Variants in ASAP2 observed in about 807,000 individuals in gnomAD.
The protein encoded by ASAP2 is arf-GAP with SH3 domain, ANK repeat and PH domain-containing protein 2.
A neutral mutation model predicts 131.4 loss-of-function variants in ASAP2; 45 were observed. That is an observed-to-expected ratio of 0.34 (90% CI 0.27 to 0.44). The LOEUF is 0.44. Among genes scored for constraint, ASAP2 ranks in the 20% least tolerant of loss-of-function variants. The pLI is 1.00. For synonymous variants in ASAP2, 510 were observed against 503.0 expected (o/e 1.01, Z -0.19); for missense variants, 1,011 against 1,297.0 (o/e 0.78, Z 3.39).
At chr2:9,332,014 C>T (rs989183420) in intron 7 of ASAP2, among the ~76,000 whole-genome samples, 2 of 152,006 alleles carry the variant, frequency 1.3e-5, no homozygotes, top group Admixed American at 1.3e-4. Flanking sequence ...GCAGGAGGGG[C>T]CCTGGCACGG....
At chr2:9,343,388 T>C (rs747377048) in intron 9 of ASAP2, among the ~76,000 whole-genome samples, 42 of 114,492 alleles carry the variant, frequency 3.7e-4, no homozygotes, top group Admixed American at 1.9e-4. Context: ...TAGAATTTCC[T>C]GCACTGGCAC....
intron 1 of ASAP2, among the ~76,000 whole-genome samples, chr2:9,241,651 C>CA (rs1035625199): frequency 6.6e-6 from 1 of 152,158 alleles, no homozygotes; most frequent in Non-Finnish European, 1.5e-5. Flanking sequence ...CAAACAACAA[C>CA]AAAAAACTAA....
intron 1 of ASAP2, among the ~76,000 whole-genome samples, chr2:9,212,543 C>T (rs1390625259): frequency 6.6e-6 from 1 of 152,176 alleles, no homozygotes. Flanking sequence ...GTAGGATTTT[C>T]ACAGTCACCT....
chr2:9,306,395 CAG>C (rs1256402908), intron 3 of ASAP2, among the ~76,000 whole-genome samples: 1 of 151,714 alleles, frequency 6.6e-6, no homozygotes, highest in African/African-American at 2.4e-5. Flanking sequence ...CGAGGGGCCT[CAG>C]GGACGTTTCC....
rs374888567 is a variant in ASAP2 at position 9,268,788 on chromosome 2, T to C, written c.127-10529T>C. On this transcript the variant is annotated intron_variant, in intron 1 of 27. Transcript: ENST00000281419. The surrounding 1 kb of genome is among the most constrained non-coding windows in gnomAD (Gnocchi z 4.1). Reference sequence around the variant, plus strand: ...GTCCGTGGAACGAGGGGAGAGGAGATAGGACGGGAGAGCGGAGCATGCTAG... The same window carrying C: ...GTCCGTGGAACGAGGGGAGAGGAGACAGGACGGGAGAGCGGAGCATGCTAG... 3.9e-5 allele frequency among the ~76,000 whole-genome samples: 6 copies of C among 152,280 alleles called. No individual in the cohort carries two copies. The highest frequency in any genetic ancestry group is 1.4e-4 in the African/African-American group (6 of 41,558).
At chr2:9,368,364 A>G (rs578205113) in intron 15 of ASAP2, 61 bp from the exon 16 acceptor site, 7 of 1,405,828 alleles carry the variant, frequency 5.0e-6, no homozygotes, top group Non-Finnish European at 7.1e-6. Context: ...GGGATGGGTA[A>G]TGTGTAGCAG....
chr2:9,301,587 A>T (rs921867387), intron 3 of ASAP2, among the ~76,000 whole-genome samples: 1 of 152,192 alleles, frequency 6.6e-6, no homozygotes, highest in Non-Finnish European at 1.5e-5. Context: ...TGTTACAGAT[A>T]TGTAGTCTCT....
chr2:9,368,428 G>T lies in ASAP2; in HGVS notation c.1465G>T (p.Ala489Ser). Residue 489 changes from alanine to serine, a missense_variant, in exon 16 of 28, where the codon GCC becomes TCC. Transcript: ENST00000281419. ...DVLGTSELLL[A>S]KNIGNAGFNE... ...AAATAGACTTTCATTTTTGCAGCTC[G>T]CCAAGAATATTGGGAATGCAGGCTT... 2 of 1,613,838 alleles carry T rather than the reference G, an allele frequency of 1.2e-6. No homozygotes were observed. Among genetic ancestry groups the T allele is most frequent in the Admixed American group, 3.3e-5 (2 of 60,008 alleles).
intron 9 of ASAP2, among the ~76,000 whole-genome samples, chr2:9,336,791 G>T (rs144705289): frequency 6.6e-6 from 1 of 152,250 alleles, no homozygotes; most frequent in Non-Finnish European, 1.5e-5. Context: ...CGAGGAGGAG[G>T]TAGTGCGAGG....
intron 11 of ASAP2, among the ~76,000 whole-genome samples, chr2:9,347,716 G>T (rs1672061011): frequency 6.6e-6 from 1 of 152,188 alleles, no homozygotes; most frequent in Middle Eastern, 3.2e-3. Flanking sequence ...AGTGATCCTT[G>T]AGACAAAATA....
intron 7 of ASAP2, among the ~76,000 whole-genome samples, chr2:9,331,310 C>T (rs555880851): frequency 1.3e-5 from 2 of 152,198 alleles, no homozygotes; most frequent in South Asian, 2.1e-4. Flanking sequence ...AAGAATACTT[C>T]GTGTTCTTTT....
At chr2:9,233,437 T>G (rs549026457) in intron 1 of ASAP2, among the ~76,000 whole-genome samples, 1 of 152,362 alleles carries the variant, frequency 6.6e-6, no homozygotes, top group East Asian at 1.9e-4. Context: ...AGAGAAAGCT[T>G]TTTGTAAATT....
At chr2:9,258,859 A>G (rs1352113125) in intron 1 of ASAP2, among the ~76,000 whole-genome samples, 2 of 152,218 alleles carry the variant, frequency 1.3e-5, no homozygotes, top group Non-Finnish European at 2.9e-5. Flanking sequence ...TAGCAGCATT[A>G]CATGTAGTCT....
At chr2:9,341,310 G>A (rs886807526) in intron 9 of ASAP2, among the ~76,000 whole-genome samples, 3 of 152,060 alleles carry the variant, frequency 2.0e-5, no homozygotes, top group Non-Finnish European at 4.4e-5. Context: ...GAAGTAATTC[G>A]CACTAAAACA....
chr2:9,384,375 G>A (rs951464659), intron 20 of ASAP2, among the ~76,000 whole-genome samples: 3 of 152,122 alleles, frequency 2.0e-5, no homozygotes, highest in African/African-American at 7.2e-5. Flanking sequence ...TCTTGTAAAG[G>A]CGGTTTCACA....
At chr2:9,235,222 A>C (rs942036198) in intron 1 of ASAP2, among the ~76,000 whole-genome samples, 2 of 152,120 alleles carry the variant, frequency 1.3e-5, no homozygotes, top group Non-Finnish European at 1.5e-5. Flanking sequence ...TTTGAACCTG[A>C]TGAGTTAGAT....
intron 3 of ASAP2, among the ~76,000 whole-genome samples, chr2:9,302,796 T>C (rs1668583687): frequency 6.6e-6 from 1 of 152,004 alleles, no homozygotes; most frequent in Non-Finnish European, 1.5e-5. Flanking sequence ...GGATTACAGG[T>C]GTGAGCCACC....
intron 1 of ASAP2, among the ~76,000 whole-genome samples, chr2:9,270,173 C>T (rs1017630003): frequency 2.0e-5 from 3 of 152,200 alleles, no homozygotes; most frequent in Admixed American, 6.5e-5. Context: ...TCTGGCCAGG[C>T]GGCAGCTGCA....
chr2:9,270,378 G>A (rs1666254363), intron 1 of ASAP2, among the ~76,000 whole-genome samples: 1 of 152,096 alleles, frequency 6.6e-6, no homozygotes, highest in Admixed American at 6.5e-5. Context: ...TTGCTTCCTC[G>A]AGACTCAAGC....
Sources: gnomAD v4.1 joint callset for allele counts (sites outside exome capture counted in the v4.1 genomes callset) on GRCh38, gnomAD v4.1.1 for gene constraint, Gnocchi (gnomAD v3.1) non-coding constraint, MANE v1.5 for transcripts, NCBI Gene and HGNC (gene_info 2026-07-23, HGNC 2026-07-21) for gene names.